Variants in TMEM17 observed in about 807,000 individuals in gnomAD.
TMEM17 encodes the protein transmembrane protein 17.
A neutral mutation model predicts 19.1 loss-of-function variants in TMEM17; 15 were observed. The observed-to-expected ratio is 0.78, with a 90% confidence interval of 0.52 to 1.21. TMEM17 has a LOEUF of 1.21. Ranked by LOEUF, TMEM17 falls within the 50% of genes most tolerant of loss-of-function variation. TMEM17 has a pLI of 0.00. For synonymous variants in TMEM17, 103 were observed against 86.9 expected (o/e 1.19, Z -1.03); for missense variants, 245 against 242.3 (o/e 1.01, Z -0.07).
At chr2:62,480,796 T>C in the TMEM17 span, among the ~76,000 whole-genome samples, 3 of 152,244 alleles carry the variant, frequency 2.0e-5, no homozygotes, top group Non-Finnish European at 2.9e-5. Context: ...TACCATTCTG[T>C]TTTGGTTACT....
At chr2:62,489,112 A>T in the TMEM17 span, among the ~76,000 whole-genome samples, 1 of 152,220 alleles carries the variant, frequency 6.6e-6, no homozygotes, top group Non-Finnish European at 1.5e-5. Flanking sequence ...GAAAGCAATT[A>T]TAATAAAATA....
rs139384662 is a variant in TMEM17 at position 62,502,458 on chromosome 2, G to T, written c.297C>A (p.Tyr99Ter). The change falls in exon 3 of 4, where the codon TAC becomes TAA. Residue 99 changes from tyrosine (Y) to a stop codon, truncating the protein, a stop_gained. Coordinates refer to ENST00000335390, the MANE Select transcript of TMEM17 (RefSeq NM_198276.3). LOFTEE classifies it high-confidence loss of function. Reference protein sequence around the residue: ...LIEAIRLYLGYVGNLQEKVPE... With the variant: ...LIEAIRLYLG ...TTACCTTCTCCTGTAGGTTACCCAC[G>T]TAGCCCAGATACAACCGGATGGCTT... The T allele has an allele frequency of 1.9e-6, 3 of 1,610,192 alleles. No individual in the cohort carries two copies. The highest frequency in any genetic ancestry group is 4.5e-5 in the East Asian group (2 of 44,820).
chr2:62,498,124 C>A (rs1679816734), downstream of TMEM17, among the ~76,000 whole-genome samples: 2 of 152,218 alleles, frequency 1.3e-5, no homozygotes, highest in African/African-American at 2.4e-5. Context: ...GTGGCTCACG[C>A]CTGTAATCCC....
the TMEM17 span, among the ~76,000 whole-genome samples, chr2:62,464,371 C>T: frequency 6.6e-6 from 1 of 152,272 alleles, no homozygotes; most frequent in Non-Finnish European, 1.5e-5. Flanking sequence ...CACTCGTGCA[C>T]TCCAGTTCCC....
At chr2:62,484,174 T>C in the TMEM17 span, among the ~76,000 whole-genome samples, 1 of 152,354 alleles carries the variant, frequency 6.6e-6, no homozygotes, top group South Asian at 2.1e-4. Context: ...TTCCAGACCA[T>C]CTGCAGGGCC....
the TMEM17 span, among the ~76,000 whole-genome samples, chr2:62,493,143 C>T: frequency 6.6e-6 from 1 of 152,192 alleles, no homozygotes; most frequent in African/African-American, 2.4e-5. Context: ...AATCCTTCCA[C>T]CTCAGCCTCC....
chr2:62,465,608 AG>A, the TMEM17 span, among the ~76,000 whole-genome samples: 2 of 151,752 alleles, frequency 1.3e-5, no homozygotes, highest in Non-Finnish European at 2.9e-5. Flanking sequence ...AAAAAAAAAA[AG>A]ACTCAGCATT....
rs746111833 is a variant in TMEM17, at chr2:62,506,020, G to C, written c.100+10C>G. The C allele has an allele frequency of 3.7e-6, 6 of 1,604,704 alleles. No individual in the cohort carries two copies. In the African/African-American group the frequency reaches 5.4e-5, roughly 14 times the overall value. ...GGCCACACCCCCTGCACCGGGCCTC[G>C]GTCACTCACCCGGACCCTCATTGGA... On this transcript the variant is annotated intron_variant, in intron 1 of 3. Coordinates refer to ENST00000335390, the MANE Select transcript of TMEM17 (RefSeq NM_198276.3).
At chr2:62,485,255 A>G in the TMEM17 span, among the ~76,000 whole-genome samples, 2 of 152,206 alleles carry the variant, frequency 1.3e-5, no homozygotes, top group African/African-American at 4.8e-5. Context: ...CATAATGTCT[A>G]TTGCATCAGA....
At chr2:62,499,707 A>T (rs749701633), downstream of TMEM17, among the ~76,000 whole-genome samples, 8 of 152,252 alleles carry the variant, frequency 5.3e-5, no homozygotes, top group Non-Finnish European at 7.3e-5. Context: ...TTGTAGAAAA[A>T]GAAAATTGAA....
downstream of TMEM17, among the ~76,000 whole-genome samples, chr2:62,495,828 C>T (rs1418629039): frequency 3.3e-5 from 5 of 152,176 alleles, no homozygotes; most frequent in Admixed American, 3.3e-4. Flanking sequence ...TGGCTTATCA[C>T]TATAATATTT....
downstream of TMEM17, among the ~76,000 whole-genome samples, chr2:62,495,231 C>A (rs1478734441): frequency 6.6e-6 from 1 of 152,178 alleles, no homozygotes; most frequent in African/African-American, 2.4e-5. Flanking sequence ...ATGTTCCATG[C>A]TGTCCTACGA....
At chr2:62,462,843 C>T in the TMEM17 span, among the ~76,000 whole-genome samples, 1 of 152,178 alleles carries the variant, frequency 6.6e-6, no homozygotes, top group Non-Finnish European at 1.5e-5. Context: ...GAAACTTTCT[C>T]CCACCCATTC....
At chr2:62,495,575 C>T (rs777015107), downstream of TMEM17, among the ~76,000 whole-genome samples, 1 of 152,152 alleles carries the variant, frequency 6.6e-6, no homozygotes, top group South Asian at 2.1e-4. Context: ...TTATAAAATA[C>T]AGTAGTTCAG....
chr2:62,477,976 A>G, the TMEM17 span, among the ~76,000 whole-genome samples: 5 of 152,146 alleles, frequency 3.3e-5, no homozygotes, highest in Admixed American at 2.6e-4. Context: ...TACTGCCTGG[A>G]TCCTACAGCT....
At chr2:62,499,402 C>A (rs1222222659), downstream of TMEM17, among the ~76,000 whole-genome samples, 1 of 152,198 alleles carries the variant, frequency 6.6e-6, no homozygotes, top group African/African-American at 2.4e-5. Flanking sequence ...ATCTGGGAAA[C>A]AAATGCAAAC....
the TMEM17 span, among the ~76,000 whole-genome samples, chr2:62,475,890 A>C: frequency 6.6e-6 from 1 of 152,004 alleles, no homozygotes; most frequent in Non-Finnish European, 1.5e-5. Context: ...CATGTTGTGG[A>C]ATGTGTGGAT....
At chr2:62,488,754 G>A in the TMEM17 span, among the ~76,000 whole-genome samples, 1 of 150,420 alleles carries the variant, frequency 6.6e-6, no homozygotes, top group Non-Finnish European at 1.5e-5. Flanking sequence ...TTTACACTGA[G>A]CTGCTGTTTG....
chr2:62,470,179 T>C, the TMEM17 span, among the ~76,000 whole-genome samples: 2 of 152,218 alleles, frequency 1.3e-5, no homozygotes, highest in Admixed American at 6.5e-5. Context: ...TGATTAATCC[T>C]TGGCTGGGGG....
Sources: allele counts gnomAD v4.1 joint callset (sites outside exome capture counted in the v4.1 genomes callset), GRCh38; gene constraint gnomAD v4.1.1; transcripts MANE v1.5; gene names NCBI Gene and HGNC (gene_info 2026-07-23, HGNC 2026-07-21).